Variants in CDK17 observed in about 807,000 individuals in gnomAD.
CDK17 encodes cyclin dependent kinase 17.
Under a neutral mutation model 77.6 loss-of-function variants are expected in CDK17, and 24 were observed. The observed-to-expected ratio is 0.31, with a 90% confidence interval of 0.22 to 0.44. The LOEUF (loss-of-function observed/expected upper bound fraction) is 0.44, where lower values mean the gene tolerates loss of function less well. CDK17 is among the 20% of genes least tolerant of loss of function. CDK17 has a pLI of 1.00. For missense variants in CDK17, 429 were observed against 622.5 expected, an observed-to-expected ratio of 0.69 and a Z score of 3.31; for synonymous variants, 203 against 210.4, an observed-to-expected ratio of 0.96 and a Z score of 0.30.
intron 15 of CDK17, among the ~76,000 whole-genome samples, chr12:96,281,436 T>G (rs1267427781): frequency 2.0e-5 from 3 of 152,266 alleles, no homozygotes; most frequent in Non-Finnish European, 4.4e-5. Flanking sequence ...TGGCATGATC[T>G]TGGCTCACTG....
chr12:96,312,394 A>C (rs902176119), intron 4 of CDK17, among the ~76,000 whole-genome samples: 4 of 152,206 alleles, frequency 2.6e-5, no homozygotes. Flanking sequence ...ACAGACCCTA[A>C]TACTAAATAA....
chr12:96,279,360 CCTTT>C lies in CDK17; in HGVS notation c.*878_*881del, dbSNP rs1176644390. ...AAACTATTCCCCAATGAAATATCATCCTTTCTAATAAAATAAATGTATTTAAAAC... is the reference window on the plus strand; with the variant it reads ...AAACTATTCCCCAATGAAATATCATCCTAATAAAATAAATGTATTTAAAAC... On this transcript the variant is annotated 3_prime_UTR_variant, in exon 17 of 17. Coordinates refer to ENST00000261211, the MANE Select transcript of CDK17 (RefSeq NM_002595.5). The C allele has an allele frequency of 2.0e-5, 3 of 152,142 alleles. No homozygotes were observed. Among genetic ancestry groups the C allele is most frequent in the Non-Finnish European group, 4.4e-5 (3 of 68,006 alleles). The allele number at this position is 152,142 out of a possible 1,614,324, so 9.4% of individuals were successfully genotyped here.
intron 10 of CDK17, among the ~76,000 whole-genome samples, chr12:96,291,791 CTATTT>C (rs1399853385): frequency 6.6e-6 from 1 of 151,974 alleles, no homozygotes; most frequent in Non-Finnish European, 1.5e-5. Flanking sequence ...GCTAACTTTT[CTATTT>C]TGAGTAGAGA....
At chr12:96,324,171 GAGA>G in intron 2 of CDK17, 59 bp from the exon 3 acceptor site, 1 of 1,384,776 alleles carries the variant, frequency 7.2e-7, no homozygotes, top group Non-Finnish European at 9.7e-7. Flanking sequence ...AGGATCACAT[GAGA>G]AGGATTCAGA....
chr12:96,308,252 A>AAAAAAAAAAAG (rs750453479), intron 5 of CDK17, among the ~76,000 whole-genome samples: 1 of 143,496 alleles, frequency 7.0e-6, no homozygotes, highest in Admixed American at 7.2e-5. Flanking sequence ...AAAAAAAAAA[A>AAAAAAAAAAAG]GTTTTTTAAT....
chr12:96,317,710 T>A, intron 3 of CDK17, among the ~76,000 whole-genome samples: 2 of 134,996 alleles, frequency 1.5e-5, no homozygotes, highest in African/African-American at 2.7e-5. Flanking sequence ...GCTTCATAAG[T>A]GAAGGAGAAA....
chr12:96,334,858 G>T lies in CDK17; in HGVS notation c.-22C>A. ...TCATCCTATCAATTGAATGTGGCTT[G>T]AAAAATCCTGAAAGAAAAGAATAAA... is the stretch of plus-strand genomic sequence containing the variant. On this transcript the variant is annotated 5_prime_UTR_variant, in exon 2 of 17. Transcript: ENST00000261211. 8.4e-7 allele frequency: 1 copy of T among 1,189,596 alleles called. No homozygotes were observed. The allele number at this position is 1,189,596 out of a possible 1,614,324, so 73.7% of individuals were successfully genotyped here.
intron 16 of CDK17, chr12:96,280,549 C>T (rs1412694387): frequency 2.1e-5 from 29 of 1,411,598 alleles, no homozygotes; most frequent in Non-Finnish European, 2.5e-5. Flanking sequence ...CAAGCCAGGT[C>T]ACTTGTAAAA....
At chr12:96,348,550 G>A (rs938150175) in intron 1 of CDK17, among the ~76,000 whole-genome samples, 404 of 119,234 alleles carry the variant, frequency 3.4e-3, no homozygotes, top group South Asian at 4.7e-3. Flanking sequence ...AAACAAAAAA[G>A]AAAAAAAAAA....
chr12:96,281,040 T>G (rs1263518983), intron 15 of CDK17, among the ~76,000 whole-genome samples, 155 bp from the exon 16 acceptor site: 1 of 152,160 alleles, frequency 6.6e-6, no homozygotes, highest in Non-Finnish European at 1.5e-5. Flanking sequence ...TTTGTCCCAG[T>G]GTGTTGAGGA....
At chr12:96,341,344 C>CACACA (rs149595808) in intron 1 of CDK17, among the ~76,000 whole-genome samples, 2 of 149,806 alleles carry the variant, frequency 1.3e-5, no homozygotes, top group South Asian at 2.1e-4. Flanking sequence ...CACACACACA[C>CACACA]GTCTCATATA....
At chr12:96,310,920 T>C (rs936277832) in intron 5 of CDK17, 132 bp downstream of exon 5, 3 of 901,556 alleles carry the variant, frequency 3.3e-6, no homozygotes, top group East Asian at 6.1e-5. Flanking sequence ...ATAATAAAAA[T>C]CGAGAAGGCA....
chr12:96,390,470 A>G (rs1213627256), intron 1 of CDK17, among the ~76,000 whole-genome samples: 2 of 148,044 alleles, frequency 1.4e-5, no homozygotes, highest in African/African-American at 4.9e-5. Context: ...GCACTTTGGG[A>G]GGCCTAGGTG....
chr12:96,349,359 G>A (rs549580233), intron 1 of CDK17, among the ~76,000 whole-genome samples: 4 of 151,846 alleles, frequency 2.6e-5, no homozygotes, highest in Non-Finnish European at 5.9e-5. Flanking sequence ...AGGTTGAGGC[G>A]GGAGAATCGC....
At position 96,299,122 on chromosome 12, in the gene CDK17, G is replaced by A. The variant is rs569722103; in HGVS notation, c.601-139C>T. 9.5e-4 allele frequency: 520 copies of A among 548,964 alleles called. 1 individual carries two copies. The highest frequency in any genetic ancestry group is 1.5e-3 in the Non-Finnish European group (468 of 315,936). 34.0% of individuals were successfully genotyped at this position (548,964 alleles called of 1,614,324 possible). A position where few individuals can be genotyped will look rare whatever the true frequency, so the allele number is the denominator to read the frequency against. ...CATCTTGCAAAGAAAAACACACAAT[G>A]ATCAGCCATGGCTTTTCTTACAGTA... is the stretch of plus-strand genomic sequence containing the variant. On this transcript the variant is annotated intron_variant, in intron 6 of 16. Transcript: ENST00000261211.
chr12:96,372,946 G>A (rs1953717187), intron 1 of CDK17, among the ~76,000 whole-genome samples: 1 of 152,126 alleles, frequency 6.6e-6, no homozygotes, highest in African/African-American at 2.4e-5. Context: ...TCCATTAGGT[G>A]AATTAAATGG....
chr12:96,330,751 T>C (rs1005922770), intron 2 of CDK17, among the ~76,000 whole-genome samples: 8 of 152,252 alleles, frequency 5.3e-5, no homozygotes, highest in African/African-American at 1.4e-4. Context: ...CATTCATCTG[T>C]TGATGGGCAT....
intron 1 of CDK17, among the ~76,000 whole-genome samples, chr12:96,381,471 C>T (rs1361048394): frequency 1.3e-5 from 2 of 151,366 alleles, no homozygotes; most frequent in Non-Finnish European, 2.9e-5. Context: ...ACTGACATAC[C>T]TACAGTTCAA....
At chr12:96,394,856 T>C (rs887337387) in intron 1 of CDK17, among the ~76,000 whole-genome samples, 1 of 138,830 alleles carries the variant, frequency 7.2e-6, no homozygotes, top group East Asian at 2.1e-4. Context: ...TTTATTTTTA[T>C]TTATTATTTA....
Sources: gnomAD v4.1 joint callset for allele counts (sites outside exome capture counted in the v4.1 genomes callset) on GRCh38, gnomAD v4.1.1 for gene constraint, MANE v1.5 for transcripts, NCBI Gene and HGNC (gene_info 2026-07-23, HGNC 2026-07-21) for gene names.